Variants in DHTKD1 observed in about 807,000 individuals in gnomAD.
DHTKD1 encodes dehydrogenase E1 and transketolase domain containing 1.
Under a neutral mutation model 101.8 loss-of-function variants are expected in DHTKD1, and 78 were observed. That is an observed-to-expected ratio of 0.77 (90% CI 0.64 to 0.93). The LOEUF is 0.93. Among genes scored for constraint, DHTKD1 ranks in the 40% least tolerant of loss-of-function variants. The probability of loss-of-function intolerance (pLI) is 0.00; values close to 1 mark genes in which losing one functional copy is unlikely to be tolerated. For synonymous variants in DHTKD1, 462 were observed against 450.3 expected, an observed-to-expected ratio of 1.03 and a Z score of -0.33; for missense variants, 1,223 against 1,161.7, an observed-to-expected ratio of 1.05 and a Z score of -0.77.
chr10:12,093,590 C>A (rs546113557), intron 6 of DHTKD1, among the ~76,000 whole-genome samples: 15 of 152,186 alleles, frequency 9.9e-5, no homozygotes, highest in South Asian at 2.1e-4. Flanking sequence ...ATACAAACAG[C>A]CTGGACTGGA....
chr10:12,106,044 G>A (rs1244201529), intron 10 of DHTKD1, among the ~76,000 whole-genome samples: 1 of 152,144 alleles, frequency 6.6e-6, no homozygotes, highest in Non-Finnish European at 1.5e-5. Context: ...GCAGTGAGCC[G>A]AGATGGAGCC....
At chr10:12,120,105 G>A in intron 15 of DHTKD1, 77 bp from the exon 16 acceptor site, 4 of 1,101,794 alleles carry the variant, frequency 3.6e-6, no homozygotes, top group South Asian at 1.3e-5. Context: ...AAACTCCATC[G>A]TAGGTGGGAT....
intron 16 of DHTKD1, among the ~76,000 whole-genome samples, chr10:12,120,564 C>A (rs1297799179): frequency 6.6e-6 from 1 of 152,048 alleles, no homozygotes; most frequent in Non-Finnish European, 1.5e-5. Context: ...TCTCAATCTC[C>A]TGACCTCGTG....
At chr10:12,070,549 C>G (rs889374777) in intron 1 of DHTKD1, among the ~76,000 whole-genome samples, 8 of 152,196 alleles carry the variant, frequency 5.3e-5, no homozygotes, top group African/African-American at 1.7e-4. Context: ...AGTGCAGTGG[C>G]ACGATCTTGG....
intron 1 of DHTKD1, among the ~76,000 whole-genome samples, chr10:12,074,892 G>A (rs953902058): frequency 2.0e-5 from 3 of 151,962 alleles, no homozygotes; most frequent in Non-Finnish European, 4.4e-5. Context: ...CTTAGAGGCC[G>A]AAGCCAGTGG....
In DHTKD1 at chr10:12,106,290, A is replaced by C; in HGVS notation, c.1941A>C (p.Glu647Asp). ...CAGAAGAGGCCGTCCTGGGATTTGA[A>C]TATGGGATGAGCATTGAGAGCCCAA... ...PLSEEAVLGF[E>D]YGMSIESPKL... The change falls in exon 11 of 17, where the codon GAA (glutamate) becomes GAC (aspartate). Residue 647 changes from glutamate (E) to aspartate (D), a missense_variant. Glu to Asp is a conservative substitution (Grantham distance 45, BLOSUM62 2). Coordinates refer to ENST00000263035, the MANE Select transcript of DHTKD1 (RefSeq NM_018706.7). 1.9e-6 allele frequency: 3 copies of C among 1,614,150 alleles called. No individual in the cohort carries two copies. Among genetic ancestry groups the C allele is most frequent in the Non-Finnish European group, 2.5e-6 (3 of 1,180,030 alleles).
At chr10:12,112,298 G>T (rs1833345186) in intron 12 of DHTKD1, among the ~76,000 whole-genome samples, 1 of 152,120 alleles carries the variant, frequency 6.6e-6, no homozygotes, top group African/African-American at 2.4e-5. Flanking sequence ...CTGGGTGAGA[G>T]AACGAGACTC....
chr10:12,121,875 G>A lies in DHTKD1; in HGVS notation c.*987G>A, dbSNP rs1554795155. ...ACCCTAATTGACCATATATGACCAG[G>A]AAACACTTCTGAGTTTACAGCTCCG... On this transcript the variant is annotated 3_prime_UTR_variant, in exon 17 of 17. Transcript: ENST00000263035. The A allele has an allele frequency of 6.6e-6, 1 of 152,162 alleles. No homozygotes were observed. The highest frequency in any genetic ancestry group is 1.5e-5 in the Non-Finnish European group (1 of 68,030). 9.4% of individuals were successfully genotyped at this position (152,162 alleles called of 1,614,324 possible). A position where few individuals can be genotyped will look rare whatever the true frequency, so the allele number is the denominator to read the frequency against.
At chr10:12,086,912 C>T (rs1213193186) in intron 3 of DHTKD1, among the ~76,000 whole-genome samples, 1 of 152,138 alleles carries the variant, frequency 6.6e-6, no homozygotes, top group African/African-American at 2.4e-5. Context: ...GTCTCAAACT[C>T]CTGGCCTCAA....
At chr10:12,106,147 G>C (rs1833243391) in intron 10 of DHTKD1, 99 bp from the exon 11 acceptor site, 2 of 1,229,394 alleles carry the variant, frequency 1.6e-6, no homozygotes, top group Non-Finnish European at 2.4e-6. Flanking sequence ...CGAGAGCAAG[G>C]CTCCCTCTCC....
chr10:12,117,615 G>C, intron 13 of DHTKD1, 58 bp from the exon 14 acceptor site: 1 of 1,011,630 alleles, frequency 9.9e-7, no homozygotes, highest in Non-Finnish European at 1.6e-6. Context: ...GCCCTTGTAA[G>C]TGACAGCATC....
At chr10:12,088,786 T>C (rs755438188) in intron 4 of DHTKD1, among the ~76,000 whole-genome samples, 200 bp from the exon 5 acceptor site, 1 of 152,044 alleles carries the variant, frequency 6.6e-6, no homozygotes. Flanking sequence ...GGTTTCACCA[T>C]GTTGGCCAGG....
chr10:12,071,436 CTCA>C (rs1348195007), intron 1 of DHTKD1, among the ~76,000 whole-genome samples: 1 of 152,100 alleles, frequency 6.6e-6, no homozygotes, highest in African/African-American at 2.4e-5. Context: ...TCTTTTTCAC[CTCA>C]TATTTCACAT....
At position 12,120,984 on chromosome 10, in the gene DHTKD1, C is replaced by G; in HGVS notation, c.*96C>G. The G allele has an allele frequency of 8.9e-7, 1 of 1,128,782 alleles. No homozygotes were observed. Among genetic ancestry groups the G allele is most frequent in the Non-Finnish European group, 1.3e-6 (1 of 781,582 alleles). 69.9% of individuals were successfully genotyped at this position (1,128,782 alleles called of 1,614,324 possible). On this transcript the variant is annotated 3_prime_UTR_variant, in exon 17 of 17. Transcript: ENST00000263035. ...CCTGTAATCCCAGCACTTTGGGAGG[C>G]CAAGGCTGGTGGATCACCTGAGGTC...
rs900817527 is a variant in DHTKD1, at chr10:12,113,556, T to C, written c.2319+492T>C. On this transcript the variant is annotated intron_variant, in intron 13 of 16. Coordinates refer to ENST00000263035, the MANE Select transcript of DHTKD1 (RefSeq NM_018706.7). The stretch of plus-strand genomic sequence containing the variant: ...CCTGGAAAGATAGGTAGGTTTTCTG[T>C]CAATTGTAATGAAGGACAGGGATAG... Among the ~76,000 whole-genome samples, 38 of 152,136 alleles carry C rather than the reference T, an allele frequency of 2.5e-4. 1 individual carries two copies. The highest frequency in any genetic ancestry group is 9.6e-5 in the African/African-American group (4 of 41,452).
chr10:12,072,800 G>A (rs868390298), intron 1 of DHTKD1, among the ~76,000 whole-genome samples: 4 of 151,272 alleles, frequency 2.6e-5, no homozygotes, highest in African/African-American at 9.7e-5. Flanking sequence ...GCAATGGCAC[G>A]ATCTCAGCTC....
At chr10:12,095,839 G>C (rs372887229) in intron 7 of DHTKD1, among the ~76,000 whole-genome samples, 3 of 75,918 alleles carry the variant, frequency 4.0e-5, no homozygotes, top group Non-Finnish European at 9.2e-5. Flanking sequence ...AAAAAGAAAA[G>C]AAAAGAAAAG....
chr10:12,074,459 C>T (rs1832694722), intron 1 of DHTKD1, among the ~76,000 whole-genome samples: 1 of 151,976 alleles, frequency 6.6e-6, no homozygotes, highest in South Asian at 2.1e-4. Context: ...GGGTTCACGC[C>T]ATTCTCCTGC....
chr10:12,112,648 T>C (rs187954968), intron 12 of DHTKD1, among the ~76,000 whole-genome samples: 2 of 152,316 alleles, frequency 1.3e-5, no homozygotes, highest in East Asian at 3.9e-4. Flanking sequence ...TTATCTTTGC[T>C]ATCAGCCGTG....
Sources: gnomAD v4.1 joint callset for allele counts (sites outside exome capture counted in the v4.1 genomes callset) on GRCh38, gnomAD v4.1.1 for gene constraint, MANE v1.5 for transcripts, NCBI Gene and HGNC (gene_info 2026-07-23, HGNC 2026-07-21) for gene names.